Variants in PSKH2 observed in about 807,000 individuals in gnomAD.
PSKH2 encodes the protein protein serine kinase H2, also known as serine/threonine-protein kinase H2.
A neutral mutation model predicts 22.5 loss-of-function variants in PSKH2; 16 were observed. That is an observed-to-expected ratio of 0.71 (90% CI 0.48 to 1.08). The LOEUF is 1.08. Among genes scored for constraint, PSKH2 ranks in the 50% least tolerant of loss-of-function variants. The probability of loss-of-function intolerance (pLI) is 0.00; values close to 1 mark genes in which losing one functional copy is unlikely to be tolerated. For synonymous variants in PSKH2, 188 were observed against 184.8 expected, an observed-to-expected ratio of 1.02 and a Z score of -0.14; for missense variants, 516 against 492.8, an observed-to-expected ratio of 1.05 and a Z score of -0.44.
chr8:86,049,881 G>GGGAA (rs141303568), intron 2 of PSKH2, among the ~76,000 whole-genome samples: 42,330 of 149,154 alleles, frequency 0.28, 7,338 homozygotes, highest in East Asian at 0.48. Flanking sequence ...GAGGGAGGGA[G>GGGAA]GGAAGGAAGG....
chr8:86,047,991 CTAAA>C lies in PSKH2; in HGVS notation c.*467_*470del, dbSNP rs1336100936. Among the ~76,000 whole-genome samples, 1 of 152,036 alleles carries C rather than the reference CTAAA, an allele frequency of 6.6e-6. No homozygotes were observed. The highest frequency in any genetic ancestry group is 2.4e-5 in the African/African-American group (1 of 41,386). On this transcript the variant is annotated 3_prime_UTR_variant, in exon 3 of 3. Coordinates refer to ENST00000276616, the MANE Select transcript of PSKH2 (RefSeq NM_033126.3). ...ATAATTTTTCATAAATATTTGCAGACTAAATATGAAATTAACAGACATTTATAAC... is the reference window on the plus strand; with the variant it reads ...ATAATTTTTCATAAATATTTGCAGACTATGAAATTAACAGACATTTATAAC...
chr8:86,055,149 A>G (rs1170268666), intron 2 of PSKH2, among the ~76,000 whole-genome samples: 3 of 152,212 alleles, frequency 2.0e-5, no homozygotes, highest in African/African-American at 7.2e-5. Flanking sequence ...AATATAAACA[A>G]TATAAACATA....
At chr8:86,056,252 C>T (rs555529188) in intron 2 of PSKH2, among the ~76,000 whole-genome samples, 60 of 152,036 alleles carry the variant, frequency 3.9e-4, no homozygotes, top group Non-Finnish European at 4.0e-4. Context: ...ATGATCACGC[C>T]ACTGCACTCT....
chr8:86,054,053 A>C lies in PSKH2; in HGVS notation c.853-5286T>G, dbSNP rs78347480. On this transcript the variant is annotated intron_variant, in intron 2 of 2. Coordinates refer to ENST00000276616, the MANE Select transcript of PSKH2 (RefSeq NM_033126.3). ...CCTGTCTCAAAATACAAAGAAACAA[A>C]AATTATTAAAAAGCTAAACACTACA... is the stretch of plus-strand genomic sequence containing the variant. 5.4e-3 allele frequency among the ~76,000 whole-genome samples: 822 copies of C among 152,242 alleles called. 8 individuals are homozygous for C. Among genetic ancestry groups the C allele is most frequent in the African/African-American group, 0.019 (778 of 41,530 alleles).
chr8:86,051,428 C>T (rs1004815457), intron 2 of PSKH2, among the ~76,000 whole-genome samples: 2 of 152,124 alleles, frequency 1.3e-5, no homozygotes, highest in Admixed American at 6.5e-5. Context: ...TAAAAGAACT[C>T]TTCTTTTTTT....
chr8:86,049,575 GGA>G (rs10648162), intron 2 of PSKH2, among the ~76,000 whole-genome samples: 36 of 127,110 alleles, frequency 2.8e-4, no homozygotes, highest in Admixed American at 5.0e-4. Flanking sequence ...GAAAGAAAGA[GGA>G]GAGAGAGAGA....
chr8:86,064,285 G>T lies in PSKH2; in HGVS notation c.532C>A (p.Gln178Lys), dbSNP rs756978704. The T allele has an allele frequency of 6.2e-7, 1 of 1,614,046 alleles. No homozygotes were observed. Among genetic ancestry groups the T allele is most frequent in the Non-Finnish European group, 8.5e-7 (1 of 1,179,996 alleles). ...GGCTTTAGATTCCTATGAGTTATCT[G>T]CAGCGCATGCAAATACCTAATCCCA... is the stretch of plus-strand genomic sequence containing the variant. The part of the protein sequence containing the change: ...ADGIRYLHAL[Q>K]ITHRNLKPEN... The change falls in exon 2 of 3, where the codon CAG becomes AAG. Residue 178 changes from glutamine to lysine, a missense_variant. Gln to Lys is a moderately conservative substitution (Grantham distance 53, BLOSUM62 1). Coordinates refer to ENST00000276616, the MANE Select transcript of PSKH2 (RefSeq NM_033126.3).
At chr8:86,062,860 G>C (rs1010773454) in intron 2 of PSKH2, among the ~76,000 whole-genome samples, 1 of 152,182 alleles carries the variant, frequency 6.6e-6, no homozygotes, top group African/African-American at 2.4e-5. Context: ...TACTTAGTGA[G>C]AGGGCTAATC....
chr8:86,068,959 G>A (rs1238256179), intron 1 of PSKH2, among the ~76,000 whole-genome samples: 2 of 152,072 alleles, frequency 1.3e-5, no homozygotes, highest in African/African-American at 4.8e-5. Context: ...GGGCACTTAT[G>A]GAACACAGCA....
At chr8:86,053,349 T>C (rs1586058760) in intron 2 of PSKH2, among the ~76,000 whole-genome samples, 1 of 152,254 alleles carries the variant, frequency 6.6e-6, no homozygotes, top group Middle Eastern at 3.4e-3. Flanking sequence ...CCTTCCGTGG[T>C]CTGGTAGTCA....
At chr8:86,068,167 G>A (rs540082369) in intron 1 of PSKH2, among the ~76,000 whole-genome samples, 1 of 152,286 alleles carries the variant, frequency 6.6e-6, no homozygotes, top group South Asian at 2.1e-4. Context: ...AGCAGCCACC[G>A]AACTAATCCT....
At chr8:86,049,456 A>G (rs1817578610) in intron 2 of PSKH2, among the ~76,000 whole-genome samples, 1 of 151,842 alleles carries the variant, frequency 6.6e-6, no homozygotes, top group South Asian at 2.1e-4. Flanking sequence ...CTACTCAGGA[A>G]GCTGAGGTGG....
Position 86,048,634 on chromosome 8 carries a change from A to T in PSKH2, c.986T>A (p.Met329Lys). 1 of 1,614,094 alleles carries T rather than the reference A, an allele frequency of 6.2e-7. No homozygotes were observed. The highest frequency in any genetic ancestry group is 1.3e-5 in the African/African-American group (1 of 75,020). ...WVITMAAGSS[M>K]KNLQRAISRN... ...GGATATGGCCCTCTGGAGATTCTTC[A>T]TGGAAGACCCTGCAGCCATGGTGAT... The change falls in exon 3 of 3, where the codon ATG becomes AAG. Residue 329 changes from methionine to lysine, a missense_variant. Transcript: ENST00000276616.
Position 86,064,018 on chromosome 8 carries a change from G to T in PSKH2, c.799C>A (p.Gln267Lys). 1 of 1,613,948 alleles carries T rather than the reference G, an allele frequency of 6.2e-7. No individual in the cohort carries two copies. The highest frequency in any genetic ancestry group is 2.2e-5 in the East Asian group (1 of 44,868). The change falls in exon 2 of 3, where the codon CAG (glutamine) becomes AAG (lysine). Residue 267 changes from glutamine (Q) to lysine (K), a missense_variant. By Grantham distance (53) the Gln-to-Lys change is moderately conservative. Transcript: ENST00000276616. ...AGAATCTTCCTGTAAAGCCTTGTCT[G>T]GCTTTCATCATCAAAAGGCAGGAAT... ...SGFLPFDDES[Q>K]TRLYRKILKG...
At chr8:86,053,554 T>A (rs1322807661) in intron 2 of PSKH2, among the ~76,000 whole-genome samples, 1 of 152,194 alleles carries the variant, frequency 6.6e-6, no homozygotes, top group African/African-American at 2.4e-5. Context: ...TATTCAAGAT[T>A]AAAATTTTCA....
intron 2 of PSKH2, 52 bp from the exon 3 acceptor site, chr8:86,048,819 C>G: frequency 7.2e-7 from 1 of 1,386,706 alleles, no homozygotes; most frequent in Non-Finnish European, 9.7e-7. Flanking sequence ...TGGAAATATA[C>G]ACAAACACAA....
At chr8:86,069,790 G>A, upstream of PSKH2, 3 of 692,378 alleles carry the variant, frequency 4.3e-6, no homozygotes, top group South Asian at 4.9e-5. Flanking sequence ...GCTAACGACC[G>A]AGACGCCTGG....
chr8:86,064,485 A>G lies in PSKH2; in HGVS notation c.332T>C (p.Val111Ala), dbSNP rs940442300. 11 of 1,613,860 alleles carry G rather than the reference A, an allele frequency of 6.8e-6. No individual in the cohort carries two copies. The African/African-American group carries it at 1.3e-4, about 20-fold the overall frequency. ...GTAACGATGGCTAACCCGCCGCAGG[A>G]CGCTCAGCTCAGACACGCACGCTTC... ...GREACVSELS[V>A]LRRVSHRYIV... is the part of the protein sequence containing the mutation. Residue 111 changes from valine to alanine, a missense_variant, in exon 2 of 3, where the codon GTC (valine) becomes GCC (alanine). Physicochemically the swap from Val to Ala is moderately conservative, Grantham distance 64. Coordinates refer to ENST00000276616, the MANE Select transcript of PSKH2 (RefSeq NM_033126.3).
Position 86,069,489 on chromosome 8 carries a change from C to G in PSKH2, c.134G>C (p.Arg45Thr). ...GPEAAAQAAQ[R>T]IQVARFRAKF... ...GGCTCGGAAGCGAGCCACCTGTATCCTCTGCGCCGCCTGGGCCGCCGCCTC... is the reference window on the plus strand; with the variant it reads ...GGCTCGGAAGCGAGCCACCTGTATCGTCTGCGCCGCCTGGGCCGCCGCCTC... Residue 45 changes from arginine (R) to threonine (T), a missense_variant, in exon 1 of 3, where the codon AGG (arginine) becomes ACG (threonine). Arg to Thr is a moderately conservative substitution (Grantham distance 71). Coordinates refer to ENST00000276616, the MANE Select transcript of PSKH2 (RefSeq NM_033126.3). 6.2e-7 allele frequency: 1 copy of G among 1,609,590 alleles called. No homozygotes were observed. Among genetic ancestry groups the G allele is most frequent in the Non-Finnish European group, 8.5e-7 (1 of 1,178,714 alleles).
Sources: allele counts gnomAD v4.1 joint callset (sites outside exome capture counted in the v4.1 genomes callset), GRCh38; gene constraint gnomAD v4.1.1; transcripts MANE v1.5; gene names NCBI Gene and HGNC (gene_info 2026-07-23, HGNC 2026-07-21).